Variants in VIRMA observed in about 807,000 individuals in gnomAD.
VIRMA encodes vir like m6A methyltransferase associated.
In VIRMA, 65 loss-of-function variants were observed where a neutral mutation model predicts 182.4. That is an observed-to-expected ratio of 0.36 (90% CI 0.29 to 0.44). VIRMA has a LOEUF of 0.44. VIRMA is among the 20% of genes least tolerant of loss of function. VIRMA has a pLI of 1.00. For missense variants in VIRMA, 1,752 were observed against 2,158.1 expected, an observed-to-expected ratio of 0.81 and a Z score of 3.73; for synonymous variants, 709 against 743.1, an observed-to-expected ratio of 0.95 and a Z score of 0.75.
At position 94,543,411 on chromosome 8, in the gene VIRMA, A is replaced by AC. The variant is rs1554561003; in HGVS notation, c.179+415_179+416insG. 2.0e-3 allele frequency among the ~76,000 whole-genome samples: 294 copies of AC among 148,520 alleles called. 1 individual carries two copies. The highest frequency in any genetic ancestry group is 6.2e-3 in the African/African-American group (250 of 40,462). ...AGCAAAACTCCATCTCAAAAAAAAAAAAAAAAAAAAAAAGGAGTAATAATA... is the reference window on the plus strand; with the variant it reads ...AGCAAAACTCCATCTCAAAAAAAAAACAAAAAAAAAAAAAGGAGTAATAATA... On this transcript the variant is annotated intron_variant, in intron 2 of 23. Coordinates refer to ENST00000297591, the MANE Select transcript of VIRMA (RefSeq NM_015496.5).
intron 16 of VIRMA, among the ~76,000 whole-genome samples, chr8:94,503,277 TA>T (rs1241187524): frequency 3.3e-5 from 5 of 152,216 alleles, no homozygotes; most frequent in Admixed American, 6.5e-5. Flanking sequence ...GGGAAATTAA[TA>T]AGTTTTCAGT....
Position 94,494,971 on chromosome 8 carries a change from G to A in VIRMA, c.4545-15C>T. ...CATAGGCAGTCCTGGAACAAGAAAA[G>A]TATCTGGTGAAAAGCAGAATTCTAA... On this transcript the variant is annotated splice_polypyrimidine_tract_variant and intron_variant, in intron 19 of 23. Transcript: ENST00000297591. 6.6e-7 allele frequency: 1 copy of A among 1,520,786 alleles called. No individual in the cohort carries two copies. The highest frequency in any genetic ancestry group is 1.2e-5 in the South Asian group (1 of 86,540). The allele number at this position is 1,520,786 out of a possible 1,614,324, so 94.2% of individuals were successfully genotyped here.
At chr8:94,502,370 G>C (rs1054957259) in intron 16 of VIRMA, among the ~76,000 whole-genome samples, 1 of 151,244 alleles carries the variant, frequency 6.6e-6, no homozygotes, top group South Asian at 2.1e-4. Context: ...CACCCACCAA[G>C]TATTAGTATG....
intron 15 of VIRMA, among the ~76,000 whole-genome samples, chr8:94,507,137 CT>C (rs202183757): frequency 0.59 from 78,127 of 132,890 alleles, 21,832 homozygotes; most frequent in East Asian, 0.77. Flanking sequence ...TAAAGTTTTT[CT>C]TTTTTTTTTT....
chr8:94,532,833 C>T (rs1055315354), intron 5 of VIRMA, among the ~76,000 whole-genome samples: 1 of 152,002 alleles, frequency 6.6e-6, no homozygotes, highest in African/African-American at 2.4e-5. Flanking sequence ...GGGTGGCACA[C>T]GTCTATAGTC....
At chr8:94,510,026 A>C in intron 14 of VIRMA, 86 bp from the exon 15 acceptor site, 1 of 1,221,918 alleles carries the variant, frequency 8.2e-7, no homozygotes, top group Non-Finnish European at 1.1e-6. Flanking sequence ...ATACACATCA[A>C]CTTACACAAA....
intron 1 of VIRMA, among the ~76,000 whole-genome samples, chr8:94,544,195 C>T (rs1815679780): frequency 6.9e-6 from 1 of 144,850 alleles, no homozygotes; most frequent in Non-Finnish European, 1.5e-5. Context: ...CTAATATAGA[C>T]ACAGAGTCCC....
Position 94,509,916 on chromosome 8 carries a change from C to T in VIRMA, c.3651G>A (p.Gln1217=). 1 of 1,610,192 alleles carries T rather than the reference C, an allele frequency of 6.2e-7. No homozygotes were observed. The highest frequency in any genetic ancestry group is 8.5e-7 in the Non-Finnish European group (1 of 1,178,830). ...LQSTSEDKEK[Q]YTSQTTRLLA... Reference sequence around the variant, plus strand: ...GCAACCTGGTGGTTTGGCTAGTATACTGTTTTTCTTTATCTTCTGAAGTGC... The same window carrying T: ...GCAACCTGGTGGTTTGGCTAGTATATTGTTTTTCTTTATCTTCTGAAGTGC... The change falls in exon 15 of 24, where the codon CAG becomes CAA. Residue 1217 remains glutamine, a synonymous_variant. Transcript: ENST00000297591.
At chr8:94,495,161 C>A (rs1358289371) in intron 19 of VIRMA, among the ~76,000 whole-genome samples, 1 of 151,996 alleles carries the variant, frequency 6.6e-6, no homozygotes, top group East Asian at 1.9e-4. Context: ...CCACCACACC[C>A]AGCTAATTAA....
intron 19 of VIRMA, 103 bp downstream of exon 19, chr8:94,495,628 T>TA: frequency 1.3e-6 from 1 of 787,766 alleles, no homozygotes; most frequent in Non-Finnish European, 2.0e-6. Flanking sequence ...CTAGAATTCT[T>TA]ACTATCTGGC....
Position 94,488,728 on chromosome 8 carries a change from T to A in VIRMA, c.5417A>T (p.His1806Leu). The A allele has an allele frequency of 6.2e-7, 1 of 1,614,214 alleles. No homozygotes were observed. The highest frequency in any genetic ancestry group is 1.1e-5 in the South Asian group (1 of 91,088). ...FVSGGSGRGRHVRSFTR is the reference protein window; with the variant it reads ...FVSGGSGRGRLVRSFTR ...TTTTTATCGTGTAAAGGAGCGTACATGACGACCTCTACCACTGCCTCCACT... is the reference window on the plus strand; with the variant it reads ...TTTTTATCGTGTAAAGGAGCGTACAAGACGACCTCTACCACTGCCTCCACT... Residue 1806 changes from histidine (H) to leucine (L), a missense_variant, in exon 24 of 24, where the codon CAT becomes CTT. Physicochemically the swap from His to Leu is moderately conservative, Grantham distance 99. This residue lies in a region of VIRMA where 132 missense variants were observed against 173.8 expected (regional missense o/e 0.76). Coordinates refer to ENST00000297591, the MANE Select transcript of VIRMA (RefSeq NM_015496.5).
chr8:94,521,955 T>A (rs1814785451), intron 8 of VIRMA, among the ~76,000 whole-genome samples: 1 of 151,804 alleles, frequency 6.6e-6, no homozygotes, highest in Non-Finnish European at 1.5e-5. Context: ...ACTGGCTAAC[T>A]TCTGGGAACT....
In VIRMA at chr8:94,491,667, ATCT is replaced by A; in HGVS notation, c.5048_5050del (p.Lys1683del). The A allele has an allele frequency of 6.2e-7, 1 of 1,614,174 alleles. No individual in the cohort carries two copies. Among genetic ancestry groups the A allele is most frequent in the Non-Finnish European group, 8.5e-7 (1 of 1,180,034 alleles). ...GCCTGAAAACCCACCACGGGAAGAA[ATCT>A]TCTGTGATACTTTGAGTGGCCGTTT... On this transcript the variant is annotated inframe_deletion, in exon 22 of 24. Transcript: ENST00000297591.
chr8:94,533,354 T>TA (rs1815233173), intron 5 of VIRMA, among the ~76,000 whole-genome samples: 1 of 152,190 alleles, frequency 6.6e-6, no homozygotes, highest in Non-Finnish European at 1.5e-5. Context: ...ACAAACATGC[T>TA]AATTATAAAG....
intron 15 of VIRMA, among the ~76,000 whole-genome samples, chr8:94,506,945 T>C (rs1814171526): frequency 6.6e-6 from 1 of 152,214 alleles, no homozygotes; most frequent in African/African-American, 2.4e-5. Flanking sequence ...TTTAAATATT[T>C]TGATTTACTT....
At chr8:94,529,798 C>T (rs1466540218) in intron 6 of VIRMA, among the ~76,000 whole-genome samples, 1 of 152,096 alleles carries the variant, frequency 6.6e-6, no homozygotes, top group East Asian at 1.9e-4. Flanking sequence ...TAACACCACA[C>T]CCGGCTAATT....
chr8:94,507,129 A>C (rs1377730442), intron 15 of VIRMA, among the ~76,000 whole-genome samples: 1 of 133,800 alleles, frequency 7.5e-6, no homozygotes, highest in Non-Finnish European at 1.5e-5. Context: ...CAGAGAAATA[A>C]AGTTTTTCTT....
At chr8:94,525,338 A>C (rs1814924536) in intron 8 of VIRMA, among the ~76,000 whole-genome samples, 1 of 152,214 alleles carries the variant, frequency 6.6e-6, no homozygotes, top group South Asian at 2.1e-4. Context: ...TAAGTATAAT[A>C]ACACTTCCTT....
At chr8:94,495,575 A>AC (rs397724816) in intron 19 of VIRMA, among the ~76,000 whole-genome samples, 156 bp downstream of exon 19, 5 of 148,480 alleles carry the variant, frequency 3.4e-5, no homozygotes, top group Non-Finnish European at 7.5e-5. Flanking sequence ...AAAAAAAAAA[A>AC]CTAAAGAAGA....
Sources: gnomAD v4.1 joint callset for allele counts (sites outside exome capture counted in the v4.1 genomes callset) on GRCh38, gnomAD v4.1.1 for gene constraint, gnomAD v4.1.1 regional missense constraint, MANE v1.5 for transcripts, NCBI Gene and HGNC (gene_info 2026-07-23, HGNC 2026-07-21) for gene names.